The following MED13L variants were observed in gnomAD, a reference collection of about 807,000 sequenced individuals.
MED13L encodes the protein mediator complex subunit 13L.
A neutral mutation model predicts 220.9 loss-of-function variants in MED13L; 7 were observed. That is an observed-to-expected ratio of 0.03 (90% confidence interval 0.02 to 0.06). The LOEUF (loss-of-function observed/expected upper bound fraction) is 0.06, where lower values mean the gene tolerates loss of function less well. MED13L is among the 10% of genes least tolerant of loss of function. MED13L has a pLI of 1.00. For missense variants in MED13L, 1,965 were observed against 2,760.5 expected (o/e 0.71, Z 6.46); for synonymous variants, 1,011 against 1,015.2 (o/e 1.00, Z 0.08).
chr12:116,044,647 A>G (rs1278465418), intron 4 of MED13L, among the ~76,000 whole-genome samples: 1 of 152,230 alleles, frequency 6.6e-6, no homozygotes, highest in Non-Finnish European at 1.5e-5. Flanking sequence ...AATCTGGTAG[A>G]CAACTATGAC....
chr12:116,205,006 G>C (rs1264242064), intron 2 of MED13L, among the ~76,000 whole-genome samples: 2 of 152,126 alleles, frequency 1.3e-5, no homozygotes, highest in African/African-American at 4.8e-5. Context: ...TGGCTACCTA[G>C]AACACCATAA....
intron 2 of MED13L, among the ~76,000 whole-genome samples, chr12:116,229,695 T>G (rs1869360671): frequency 6.6e-6 from 1 of 152,240 alleles, no homozygotes; most frequent in South Asian, 2.1e-4. Context: ...CTGAAAGAAC[T>G]GAGATTATGA....
intron 2 of MED13L, among the ~76,000 whole-genome samples, chr12:116,156,030 T>G (rs1461614107): frequency 1.3e-5 from 2 of 152,166 alleles, no homozygotes; most frequent in Non-Finnish European, 2.9e-5. Context: ...GCAATTACTT[T>G]CACGTTTCTA....
chr12:115,964,077 ACT>A (rs1306290996), intron 29 of MED13L, among the ~76,000 whole-genome samples: 2 of 152,092 alleles, frequency 1.3e-5, no homozygotes, highest in African/African-American at 4.8e-5. Flanking sequence ...ACAGAGCAAG[ACT>A]CTGTCTCCAA....
At chr12:115,986,099 A>G (rs1180092329) in intron 19 of MED13L, among the ~76,000 whole-genome samples, 167 bp downstream of exon 19, 1 of 152,212 alleles carries the variant, frequency 6.6e-6, no homozygotes, top group Non-Finnish European at 1.5e-5. Flanking sequence ...ATGGGAAAGC[A>G]ATTTGCTTCC....
intron 28 of MED13L, among the ~76,000 whole-genome samples, chr12:115,966,862 T>G (rs1439712862): frequency 6.6e-6 from 1 of 152,150 alleles, no homozygotes; most frequent in Non-Finnish European, 1.5e-5. Context: ...CAATAAGTAA[T>G]GCATTTGTTT....
intron 2 of MED13L, among the ~76,000 whole-genome samples, chr12:116,150,699 T>A (rs187106840): frequency 6.6e-6 from 1 of 152,348 alleles, no homozygotes; most frequent in Admixed American, 6.5e-5. Context: ...TATTATTATC[T>A]GTTTGTACAG....
Position 116,029,256 on chromosome 12 carries a change from AAG to A in MED13L, c.480-6657_480-6656del, listed in dbSNP as rs1491505604. Among the ~76,000 whole-genome samples, 1,020 of 149,078 alleles carry A rather than the reference AAG, an allele frequency of 6.8e-3. 14 individuals carry two copies. The highest frequency in any genetic ancestry group is 0.023 in the African/African-American group (940 of 40,614). ...AGAAAAGCTTCTCTGAAAAAAAAAAAAGGGGGGGGAGGGAAGCATTTAAACTG... is the reference window on the plus strand; with the variant it reads ...AGAAAAGCTTCTCTGAAAAAAAAAAAGGGGGGGAGGGAAGCATTTAAACTG... On this transcript the variant is annotated intron_variant, in intron 4 of 30. Coordinates refer to ENST00000281928, the MANE Select transcript of MED13L (RefSeq NM_015335.5).
intron 1 of MED13L, among the ~76,000 whole-genome samples, chr12:116,246,558 A>G (rs1268542855): frequency 6.6e-6 from 1 of 150,622 alleles, no homozygotes; most frequent in East Asian, 2.0e-4. Context: ...CATGTCTGTA[A>G]TGCCAGCACT....
At chr12:116,254,429 T>C (rs1871856578) in intron 1 of MED13L, among the ~76,000 whole-genome samples, 2 of 152,020 alleles carry the variant, frequency 1.3e-5, no homozygotes, top group African/African-American at 4.8e-5. Flanking sequence ...GGCGTTTCTA[T>C]AAACTAACAG....
chr12:116,180,480 C>G (rs1193982697), intron 2 of MED13L, among the ~76,000 whole-genome samples: 1 of 152,150 alleles, frequency 6.6e-6, no homozygotes, highest in Non-Finnish European at 1.5e-5. Flanking sequence ...GACTTGAGTT[C>G]CATCCCCAAG....
At chr12:116,107,288 GT>G (rs369708203) in intron 3 of MED13L, among the ~76,000 whole-genome samples, 134 of 152,284 alleles carry the variant, frequency 8.8e-4, no homozygotes, top group African/African-American at 3.2e-3. Context: ...TCTTTTCGGT[GT>G]TTTTAATGGA....
intron 4 of MED13L, among the ~76,000 whole-genome samples, chr12:116,028,578 C>A (rs1035268003): frequency 6.6e-6 from 1 of 152,094 alleles, no homozygotes; most frequent in African/African-American, 2.4e-5. Context: ...GCTGCCTTCA[C>A]CCCTATTCAA....
At chr12:116,181,024 A>C (rs1880482792) in intron 2 of MED13L, 1 of 148,332 alleles carries the variant, frequency 6.7e-6, no homozygotes, top group Admixed American at 6.9e-5. Context: ...TCTGCCTCCC[A>C]GGTTTAAGCA....
At chr12:116,038,332 A>C (rs1305019126) in intron 4 of MED13L, among the ~76,000 whole-genome samples, 1 of 152,144 alleles carries the variant, frequency 6.6e-6, no homozygotes, top group African/African-American at 2.4e-5. Context: ...CACTGTGAAC[A>C]ATCAAGGATC....
chr12:115,994,998 A>G (rs886423410), intron 16 of MED13L, among the ~76,000 whole-genome samples: 1 of 152,228 alleles, frequency 6.6e-6, no homozygotes, highest in African/African-American at 2.4e-5. Flanking sequence ...GGTCATGCAT[A>G]TAATTTTTGC....
chr12:116,207,627 G>A (rs1882430641), intron 2 of MED13L, among the ~76,000 whole-genome samples: 1 of 152,174 alleles, frequency 6.6e-6, no homozygotes, highest in Non-Finnish European at 1.5e-5. Flanking sequence ...ATGGGATAAA[G>A]CAAATAAAAA....
chr12:116,115,215 C>T (rs1874407634), intron 2 of MED13L, among the ~76,000 whole-genome samples: 1 of 152,068 alleles, frequency 6.6e-6, no homozygotes, highest in African/African-American at 2.4e-5. Flanking sequence ...AAAGGATACA[C>T]ATCAATAGAA....
intron 4 of MED13L, among the ~76,000 whole-genome samples, chr12:116,082,372 T>C (rs1221161178): frequency 6.6e-6 from 1 of 152,226 alleles, no homozygotes; most frequent in East Asian, 1.9e-4. Flanking sequence ...TGTTGAATCA[T>C]GTCCATCCAA....
Sources: allele counts gnomAD v4.1 joint callset (sites outside exome capture counted in the v4.1 genomes callset), GRCh38; gene constraint gnomAD v4.1.1; transcripts MANE v1.5; gene names NCBI Gene and HGNC (gene_info 2026-07-23, HGNC 2026-07-21).